GPSM2: variants seen among roughly 807,000 people sequenced by gnomAD.
GPSM2 encodes the protein G protein-signaling modulator 2.
A neutral mutation model predicts 78.4 loss-of-function variants in GPSM2; 58 were observed. The observed-to-expected ratio is 0.74, with a 90% CI of 0.60 to 0.92. The LOEUF (loss-of-function observed/expected upper bound fraction) is 0.92, where lower values mean the gene tolerates loss of function less well. Ranked by LOEUF, GPSM2 falls within the 40% of genes least tolerant of loss-of-function variation. The probability of loss-of-function intolerance (pLI) is 0.00; values close to 1 mark genes in which losing one functional copy is unlikely to be tolerated. For synonymous variants in GPSM2, 224 were observed against 280.2 expected (o/e 0.80, Z 2.00); for missense variants, 700 against 815.5 (o/e 0.86, Z 1.73).
intron 9 of GPSM2, 35 bp from the exon 10 acceptor site, chr1:108,904,090 A>C: frequency 6.8e-7 from 1 of 1,473,680 alleles, no homozygotes; most frequent in East Asian, 2.3e-5. Flanking sequence ...TTTCTCTTTA[A>C]ATACTACTCT....
intron 4 of GPSM2, 32 bp downstream of exon 4, chr1:108,897,659 T>C (rs759333027): frequency 6.3e-7 from 1 of 1,592,202 alleles, no homozygotes. Context: ...GTAGGCCTAA[T>C]ATTTTCATTC....
At chr1:108,903,831 T>C (rs146375800) in intron 9 of GPSM2, among the ~76,000 whole-genome samples, 1 of 152,298 alleles carries the variant, frequency 6.6e-6, no homozygotes, top group African/African-American at 2.4e-5. Flanking sequence ...ACATTATTAC[T>C]TAGTATGATT....
intron 1 of GPSM2, among the ~76,000 whole-genome samples, chr1:108,880,733 A>T (rs1665853430): frequency 6.6e-6 from 1 of 152,270 alleles, no homozygotes; most frequent in Admixed American, 6.5e-5. Context: ...AAAGGTTTAT[A>T]TATAGTTCAG....
chr1:108,911,733 C>T (rs569718322), intron 10 of GPSM2, among the ~76,000 whole-genome samples: 10 of 148,992 alleles, frequency 6.7e-5, no homozygotes, highest in African/African-American at 9.9e-5. Context: ...ACAATCATAA[C>T]GGGAAATTTT....
At chr1:108,895,697 C>T (rs991895615) in intron 2 of GPSM2, among the ~76,000 whole-genome samples, 1 of 152,148 alleles carries the variant, frequency 6.6e-6, no homozygotes, top group African/African-American at 2.4e-5. Flanking sequence ...TGCAGGAAAA[C>T]AAGCTCAGGG....
chr1:108,892,462 A>G (rs1273885148), intron 2 of GPSM2, among the ~76,000 whole-genome samples: 2 of 152,326 alleles, frequency 1.3e-5, no homozygotes, highest in East Asian at 1.9e-4. Flanking sequence ...TGTTCACTCT[A>G]TTAGCAAAAA....
In GPSM2 at chr1:108,932,633, C is replaced by G. The variant is rs1266559663; in HGVS notation, c.*2693C>G. 6.6e-6 allele frequency: 1 copy of G among 152,336 alleles called. No individual in the cohort carries two copies. The highest frequency in any genetic ancestry group is 1.9e-4 in the East Asian group (1 of 5,186). 9.4% of individuals were successfully genotyped at this position (152,336 alleles called of 1,614,324 possible). A position where few individuals can be genotyped will look rare whatever the true frequency, so the allele number is the denominator to read the frequency against. On this transcript the variant is annotated 3_prime_UTR_variant, in exon 15 of 15. Coordinates refer to ENST00000264126, the MANE Select transcript of GPSM2 (RefSeq NM_013296.5). ...AGTCTATCACCTGGGGCATTCACTA[C>G]TTTTCAGAGTCAGATCACAGTTCAA...
chr1:108,878,741 T>A (rs1405995060), intron 1 of GPSM2, among the ~76,000 whole-genome samples: 1 of 152,232 alleles, frequency 6.6e-6, no homozygotes, highest in Non-Finnish European at 1.5e-5. Flanking sequence ...CTGTTATTAC[T>A]ACAGCACTAT....
In GPSM2 at chr1:108,918,658, A is replaced by G. The variant is rs763744194; in HGVS notation, c.1309A>G (p.Ile437Val). Reference sequence around the variant, plus strand: ...AATTCTTGCTAAGCAAAAACCTCTTATTGCCAAACCTTCTGCAAAGCTACT... The same window carrying G: ...AATTCTTGCTAAGCAAAAACCTCTTGTTGCCAAACCTTCTGCAAAGCTACT... Reference protein sequence around the residue: ...SEILAKQKPLIAKPSAKLLFV... With the variant: ...SEILAKQKPLVAKPSAKLLFV... The change falls in exon 12 of 15, where the codon ATT becomes GTT. Residue 437 changes from isoleucine (I) to valine (V), a missense_variant. By Grantham distance (29) the Ile-to-Val change is conservative. Transcript: ENST00000264126. 3.1e-6 allele frequency: 5 copies of G among 1,613,474 alleles called. No homozygotes were observed. The highest frequency in any genetic ancestry group is 1.3e-5 in the African/African-American group (1 of 75,036).
At chr1:108,904,388 C>G in intron 10 of GPSM2, 134 bp downstream of exon 10, 1 of 411,152 alleles carries the variant, frequency 2.4e-6, no homozygotes, top group Admixed American at 3.9e-5. Flanking sequence ...TTTTGCTGTA[C>G]ACAGCTCTGT....
At chr1:108,909,187 T>G (rs1649508901) in intron 10 of GPSM2, among the ~76,000 whole-genome samples, 1 of 144,906 alleles carries the variant, frequency 6.9e-6, no homozygotes, top group Admixed American at 6.8e-5. Context: ...GTGAAGATTT[T>G]GTTGTATGTT....
intron 14 of GPSM2, among the ~76,000 whole-genome samples, chr1:108,924,752 G>A (rs1054003513): frequency 6.6e-6 from 1 of 152,030 alleles, no homozygotes; most frequent in Non-Finnish European, 1.5e-5. Context: ...ACTGGCATGG[G>A]ATGAGTAGGG....
At chr1:108,914,515 C>G in intron 11 of GPSM2, 107 bp downstream of exon 11, 1 of 819,606 alleles carries the variant, frequency 1.2e-6, no homozygotes, top group Non-Finnish European at 2.0e-6. Context: ...ATATAGGTAT[C>G]ACTTTAAAAT....
At chr1:108,890,318 A>AT (rs1647883204) in intron 2 of GPSM2, among the ~76,000 whole-genome samples, 1 of 152,242 alleles carries the variant, frequency 6.6e-6, no homozygotes, top group Non-Finnish European at 1.5e-5. Context: ...TAAGATGTTT[A>AT]TCTGTCTTGC....
intron 7 of GPSM2, 137 bp from the exon 8 acceptor site, chr1:108,901,653 C>T (rs535712355): frequency 2.4e-5 from 17 of 712,236 alleles, no homozygotes; most frequent in African/African-American, 1.2e-4. Context: ...GGAGAAAGTA[C>T]GGGATATGAA....
At chr1:108,917,339 G>A (rs190693780) in intron 11 of GPSM2, among the ~76,000 whole-genome samples, 3 of 151,742 alleles carry the variant, frequency 2.0e-5, no homozygotes, top group East Asian at 2.0e-4. Flanking sequence ...AGGCCGAGGC[G>A]GGTGGATCAC....
At chr1:108,880,979 A>G (rs1665866025) in intron 1 of GPSM2, among the ~76,000 whole-genome samples, 2 of 152,188 alleles carry the variant, frequency 1.3e-5, no homozygotes, top group African/African-American at 4.8e-5. Context: ...CAGGGCTAGG[A>G]TTTCTTTGAT....
At chr1:108,877,400 G>T (rs1665685330) in intron 1 of GPSM2, 172 bp downstream of exon 1, 1 of 152,304 alleles carries the variant, frequency 6.6e-6, no homozygotes, top group South Asian at 2.1e-4. Flanking sequence ...TGTGGGCGCT[G>T]CGGGGACGCG....
intron 2 of GPSM2, among the ~76,000 whole-genome samples, chr1:108,888,306 C>A (rs1647722631): frequency 6.6e-6 from 1 of 152,180 alleles, no homozygotes. Context: ...CCCGCCTCGG[C>A]CTCCCAAAGT....
Sources: gnomAD v4.1 joint callset for allele counts (sites outside exome capture counted in the v4.1 genomes callset) on GRCh38, gnomAD v4.1.1 for gene constraint, MANE v1.5 for transcripts, NCBI Gene and HGNC (gene_info 2026-07-23, HGNC 2026-07-21) for gene names.